Variants in PCDH15 observed in about 807,000 individuals in gnomAD.
PCDH15 encodes protocadherin-15.
Under a neutral mutation model 178.5 loss-of-function variants are expected in PCDH15, and 129 were observed. That is an observed-to-expected ratio of 0.72 (90% CI 0.63 to 0.84). PCDH15 has a LOEUF of 0.84. Among genes scored for constraint, PCDH15 ranks in the 40% least tolerant of loss-of-function variants. The pLI is 0.00. For synonymous variants in PCDH15, 800 were observed against 732.0 expected (o/e 1.09, Z -1.50); for missense variants, 2,230 against 2,099.9 (o/e 1.06, Z -1.21).
chr10:54,279,060 G>A (rs1032902964), intron 8 of PCDH15, among the ~76,000 whole-genome samples: 1 of 151,402 alleles, frequency 6.6e-6, no homozygotes, highest in Non-Finnish European at 1.5e-5. Context: ...ATATATTCCT[G>A]TTATTGTCTC....
intron 4 of PCDH15, among the ~76,000 whole-genome samples, chr10:54,371,225 C>A: frequency 6.6e-6 from 1 of 151,336 alleles, no homozygotes. Context: ...AAAAAATCAC[C>A]CAAATGTAAT....
intron 16 of PCDH15, among the ~76,000 whole-genome samples, chr10:54,083,106 C>A (rs1217457754): frequency 6.6e-6 from 1 of 152,060 alleles, no homozygotes; most frequent in African/African-American, 2.4e-5. Context: ...AAACAACCAC[C>A]ATTACTAACA....
intron 3 of PCDH15, among the ~76,000 whole-genome samples, chr10:54,451,026 A>G (rs1193409645): frequency 1.3e-5 from 2 of 151,884 alleles, no homozygotes; most frequent in Non-Finnish European, 2.9e-5. Flanking sequence ...AAAATGTAGT[A>G]TTCTTATACT....
rs187869373 is a variant in PCDH15 at position 53,864,874 on chromosome 10, G to T, written c.3717+1768C>A. Among the ~76,000 whole-genome samples the T allele has an allele frequency of 3.3e-5, 5 of 152,074 alleles. No homozygotes were observed. In the East Asian group the frequency reaches 7.7e-4, roughly 24 times the overall value. On this transcript the variant is annotated intron_variant, in intron 27 of 37. Transcript: ENST00000644397. Reference sequence around the variant, plus strand: ...CTTTGTTTCGTTCCTGTGTTAATTTGTGTGTTTTGTTCAATTCTTTGTTCA... The same window carrying T: ...CTTTGTTTCGTTCCTGTGTTAATTTTTGTGTTTTGTTCAATTCTTTGTTCA...
intron 20 of PCDH15, among the ~76,000 whole-genome samples, chr10:54,008,020 TG>T (rs1234546876): frequency 6.6e-6 from 1 of 152,176 alleles, no homozygotes; most frequent in African/African-American, 2.4e-5. Context: ...TAATATTTTA[TG>T]GGCCTCAGTA....
chr10:55,299,143 G>A (rs16907213), intron 1 of PCDH15, among the ~76,000 whole-genome samples: 2,444 of 152,004 alleles, frequency 0.016, 70 homozygotes, highest in African/African-American at 0.055. Flanking sequence ...TCCTGGTTTC[G>A]TCCCATTTTA....
Position 54,283,086 on chromosome 10 carries a change from GA to G in PCDH15, c.876+34184del, listed in dbSNP as rs568382115. Among the ~76,000 whole-genome samples, 289 of 152,234 alleles carry G rather than the reference GA, an allele frequency of 1.9e-3. 3 individuals carry two copies. Among genetic ancestry groups the G allele is most frequent in the Non-Finnish European group, 3.4e-3 (232 of 68,012 alleles). On this transcript the variant is annotated intron_variant, in intron 8 of 37. Transcript: ENST00000644397. Reference sequence around the variant, plus strand: ...TGTGTGCAGACTTCCCAAGATCTATGAATGCTATAAGGACCACTACAGTTGA... The same window carrying G: ...TGTGTGCAGACTTCCCAAGATCTATGATGCTATAAGGACCACTACAGTTGA...
intron 1 of PCDH15, among the ~76,000 whole-genome samples, chr10:55,267,629 T>C (rs776340178): frequency 6.6e-6 from 1 of 152,344 alleles, no homozygotes; most frequent in Admixed American, 6.5e-5. Flanking sequence ...TATAACAATG[T>C]CCCTTTTCAT....
chr10:54,955,294 T>G (rs1838455555), intron 2 of PCDH15, among the ~76,000 whole-genome samples: 1 of 151,478 alleles, frequency 6.6e-6, no homozygotes. Context: ...TTTGTTCTTT[T>G]GTTTTTCTTT....
chr10:54,343,052 TG>T (rs1942549700), intron 6 of PCDH15, among the ~76,000 whole-genome samples: 1 of 152,210 alleles, frequency 6.6e-6, no homozygotes, highest in African/African-American at 2.4e-5. Flanking sequence ...CTTGGACTTT[TG>T]AGTTAATGCT....
chr10:54,841,584 G>T (rs940891421), intron 3 of PCDH15, among the ~76,000 whole-genome samples: 1 of 151,194 alleles, frequency 6.6e-6, no homozygotes, highest in Non-Finnish European at 1.5e-5. Context: ...GACAAAAAAG[G>T]AACTATAGAA....
At chr10:54,050,245 A>G (rs1460532003) in intron 18 of PCDH15, among the ~76,000 whole-genome samples, 1 of 151,840 alleles carries the variant, frequency 6.6e-6, no homozygotes, top group Non-Finnish European at 1.5e-5. Context: ...AAAACTCATT[A>G]TTTTTCTGTT....
intron 2 of PCDH15, among the ~76,000 whole-genome samples, chr10:54,617,864 G>A (rs116107292): frequency 0.037 from 5,485 of 150,026 alleles, 316 homozygotes; most frequent in African/African-American, 0.12. Context: ...GGCAGAGATC[G>A]CACTGAGCTG....
intron 26 of PCDH15, among the ~76,000 whole-genome samples, chr10:53,896,422 G>A (rs1448075196): frequency 6.6e-6 from 1 of 152,056 alleles, no homozygotes; most frequent in African/African-American, 2.4e-5. Context: ...CTGCTCCTTT[G>A]AGATATATAT....
At chr10:54,706,570 G>A (rs550718915) in intron 1 of PCDH15, among the ~76,000 whole-genome samples, 1 of 152,272 alleles carries the variant, frequency 6.6e-6, no homozygotes, top group East Asian at 1.9e-4. Flanking sequence ...CTGGAGAATA[G>A]GATATGTAGG....
At chr10:55,403,108 T>G (rs540410351) in intron 2 of PCDH15, among the ~76,000 whole-genome samples, 26 of 152,182 alleles carry the variant, frequency 1.7e-4, no homozygotes, top group African/African-American at 6.3e-4. Flanking sequence ...TGTCTTCTTT[T>G]GAAGTGATGT....
At chr10:55,449,938 A>G (rs1246121487) in intron 2 of PCDH15, among the ~76,000 whole-genome samples, 2 of 152,184 alleles carry the variant, frequency 1.3e-5, no homozygotes, top group Non-Finnish European at 2.9e-5. Context: ...TCACCAGGTA[A>G]GCCAATCATT....
At chr10:55,546,997 T>C (rs932109565) in intron 2 of PCDH15, among the ~76,000 whole-genome samples, 4 of 151,876 alleles carry the variant, frequency 2.6e-5, no homozygotes, top group African/African-American at 9.7e-5. Context: ...GAAAGTAGTG[T>C]AGTTCTGAAA....
At chr10:55,562,794 C>T (rs147994763) in intron 2 of PCDH15, among the ~76,000 whole-genome samples, 6 of 151,938 alleles carry the variant, frequency 3.9e-5, no homozygotes, top group Admixed American at 6.6e-5. Flanking sequence ...ATGTCATTCA[C>T]GGAAACATTG....
Sources: allele counts gnomAD v4.1 joint callset (sites outside exome capture counted in the v4.1 genomes callset), GRCh38; gene constraint gnomAD v4.1.1; transcripts MANE v1.5; gene names NCBI Gene and HGNC (gene_info 2026-07-23, HGNC 2026-07-21).